CFAP20DC: variants seen among roughly 807,000 people sequenced by gnomAD.
The protein encoded by CFAP20DC is CFAP20 domain containing.
A neutral mutation model predicts 101.7 loss-of-function variants in CFAP20DC; 84 were observed. That is an observed-to-expected ratio of 0.83 (90% confidence interval 0.69 to 0.99). The LOEUF (loss-of-function observed/expected upper bound fraction) is 0.99. Among genes scored for constraint, CFAP20DC ranks in the 50% least tolerant of loss-of-function variants. The pLI, the probability that CFAP20DC is intolerant of heterozygous loss-of-function variation, is 0.00. For synonymous variants in CFAP20DC, 359 were observed against 351.2 expected (o/e 1.02, Z -0.25); for missense variants, 1,007 against 970.3 (o/e 1.04, Z -0.50).
intron 15 of CFAP20DC, among the ~76,000 whole-genome samples, chr3:58,759,413 C>A (rs1288784289): frequency 6.6e-6 from 1 of 152,080 alleles, no homozygotes; most frequent in African/African-American, 2.4e-5. Context: ...TGTTTGAGTT[C>A]ATTGTAGATT....
At chr3:58,811,151 T>A (rs535763893) in intron 14 of CFAP20DC, among the ~76,000 whole-genome samples, 2 of 152,204 alleles carry the variant, frequency 1.3e-5, no homozygotes, top group African/African-American at 4.8e-5. Context: ...ATAGATGCAA[T>A]GCCATCCCCA....
intron 14 of CFAP20DC, among the ~76,000 whole-genome samples, chr3:58,808,325 G>T (rs56086003): frequency 0.01 from 1,590 of 152,216 alleles, 20 homozygotes; most frequent in Non-Finnish European, 0.016. Context: ...AAAGGTCGGG[G>T]TACCCACAAA....
chr3:59,042,436 C>T lies in CFAP20DC; in HGVS notation c.206-2807G>A, dbSNP rs1220952515. ...CAAAGATTTACTGAATGTCTATTCTCGGGGGTAAATGCTGTAGGTAGAGGG... is the reference window on the plus strand; with the variant it reads ...CAAAGATTTACTGAATGTCTATTCTTGGGGGTAAATGCTGTAGGTAGAGGG... On this transcript the variant is annotated intron_variant, in intron 3 of 16. Transcript: ENST00000482387. 2.6e-5 allele frequency among the ~76,000 whole-genome samples: 4 copies of T among 151,738 alleles called. No homozygotes were observed. The South Asian group carries it at 6.3e-4, about 24-fold the overall frequency.
intron 4 of CFAP20DC, among the ~76,000 whole-genome samples, chr3:58,940,459 T>C (rs2088380555): frequency 6.6e-6 from 1 of 152,250 alleles, no homozygotes. Context: ...GTGAGTTGTA[T>C]GACATAGGGG....
intron 12 of CFAP20DC, among the ~76,000 whole-genome samples, chr3:58,855,966 C>T (rs2078759222): frequency 6.7e-6 from 1 of 148,452 alleles, no homozygotes; most frequent in African/African-American, 2.5e-5. Flanking sequence ...GCACATGTAC[C>T]CTAAAACTTA....
intron 12 of CFAP20DC, among the ~76,000 whole-genome samples, chr3:58,850,413 C>A (rs1310967373): frequency 1.3e-5 from 2 of 151,868 alleles, no homozygotes; most frequent in Non-Finnish European, 2.9e-5. Context: ...ATGGAGAAAC[C>A]CTGTCTCTAC....
intron 4 of CFAP20DC, among the ~76,000 whole-genome samples, chr3:58,981,029 T>A (rs1301661357): frequency 1.3e-5 from 2 of 152,136 alleles, no homozygotes; most frequent in Admixed American, 1.3e-4. Context: ...AAAATCAATG[T>A]GCAAAAATCA....
intron 4 of CFAP20DC, among the ~76,000 whole-genome samples, chr3:58,999,095 G>A (rs893214904): frequency 6.6e-6 from 1 of 152,196 alleles, no homozygotes; most frequent in African/African-American, 2.4e-5. Context: ...TAGAGGAAGA[G>A]AAGAAAGCAG....
intron 6 of CFAP20DC, among the ~76,000 whole-genome samples, chr3:58,891,252 G>C (rs1459397646): frequency 6.6e-6 from 1 of 151,944 alleles, no homozygotes; most frequent in African/African-American, 2.4e-5. Flanking sequence ...GCGAAACCCC[G>C]TCTCCACCAA....
At chr3:58,939,428 T>C (rs144773843) in intron 4 of CFAP20DC, among the ~76,000 whole-genome samples, 3 of 152,304 alleles carry the variant, frequency 2.0e-5, no homozygotes, top group Non-Finnish European at 4.4e-5. Context: ...TGTGCTTTCA[T>C]GAATAAAACT....
chr3:58,748,982 G>T (rs2107206030), intron 16 of CFAP20DC, among the ~76,000 whole-genome samples: 1 of 152,284 alleles, frequency 6.6e-6, no homozygotes, highest in Admixed American at 6.5e-5. Context: ...GTAATGCACA[G>T]AAAAATTCCA....
chr3:58,999,646 G>A (rs1362944071), intron 4 of CFAP20DC, among the ~76,000 whole-genome samples: 1 of 152,022 alleles, frequency 6.6e-6, no homozygotes, highest in Non-Finnish European at 1.5e-5. Flanking sequence ...CTCAAAAAGG[G>A]TCTTAATAGA....
chr3:58,740,683 A>AT (rs936656487), downstream of CFAP20DC, among the ~76,000 whole-genome samples: 7 of 150,384 alleles, frequency 4.7e-5, no homozygotes, highest in South Asian at 4.2e-4. The surrounding 1 kb of genome is among the most constrained non-coding windows in gnomAD (Gnocchi z 4.6). Context: ...CTGTATCCTA[A>AT]TTTTTTTTTT....
chr3:59,021,855 C>T (rs968315981), intron 4 of CFAP20DC, among the ~76,000 whole-genome samples: 7 of 152,074 alleles, frequency 4.6e-5, no homozygotes, highest in South Asian at 2.1e-4. Flanking sequence ...TCACCTCCCA[C>T]GAGGGCTGGA....
intron 7 of CFAP20DC, among the ~76,000 whole-genome samples, chr3:58,878,097 A>C (rs1481007322): frequency 6.6e-6 from 1 of 152,188 alleles, no homozygotes. Context: ...TTTAATTAAA[A>C]ACTTTCTTAG....
rs554140298 is a variant in CFAP20DC, at chr3:58,864,578, T to A, written c.1259-686A>T. 6.6e-6 allele frequency among the ~76,000 whole-genome samples: 1 copy of A among 152,308 alleles called. No individual in the cohort carries two copies. The highest frequency in any genetic ancestry group is 1.9e-4 in the East Asian group (1 of 5,188). On this transcript the variant is annotated intron_variant, in intron 11 of 16. Coordinates refer to ENST00000482387, the MANE Select transcript of CFAP20DC (RefSeq NM_001394063.1). The surrounding 1 kb of genome is among the most constrained non-coding windows in gnomAD (Gnocchi z 4.7). ...TTTAAAAGGGGTTGAGTTACTAATA[T>A]CTCCTTTTAACTGCAGGAGGACAGA...
intron 16 of CFAP20DC, 162 bp downstream of exon 16, chr3:58,753,606 AC>A (rs2068720470): frequency 3.4e-6 from 2 of 586,806 alleles, no homozygotes; most frequent in East Asian, 6.4e-5. Context: ...GTTGTAAAGA[AC>A]CCATTATTCT....
At chr3:58,819,370 A>G (rs1199727091) in intron 14 of CFAP20DC, among the ~76,000 whole-genome samples, 9 of 152,276 alleles carry the variant, frequency 5.9e-5, no homozygotes, top group Admixed American at 5.9e-4. Context: ...TTTTGAAAGG[A>G]TCAACAAAAT....
intron 16 of CFAP20DC, among the ~76,000 whole-genome samples, chr3:58,748,674 TAAG>T (rs887945737): frequency 6.6e-6 from 1 of 152,162 alleles, no homozygotes; most frequent in African/African-American, 2.4e-5. Context: ...GCTATGGGTC[TAAG>T]AAGAGTACCA....
Sources: allele counts gnomAD v4.1 joint callset (sites outside exome capture counted in the v4.1 genomes callset), GRCh38; gene constraint gnomAD v4.1.1; non-coding constraint Gnocchi (gnomAD v3.1); transcripts MANE v1.5; gene names NCBI Gene and HGNC (gene_info 2026-07-23, HGNC 2026-07-21).